COL4A5: variants seen among roughly 807,000 people sequenced by gnomAD.
The protein encoded by COL4A5 is collagen alpha-5(IV) chain.
A neutral mutation model predicts 130.2 loss-of-function variants in COL4A5; 26 were observed. The observed-to-expected ratio is 0.20, with a 90% CI of 0.15 to 0.28. The LOEUF (loss-of-function observed/expected upper bound fraction) is 0.28, where lower values mean the gene tolerates loss of function less well. Among genes scored for constraint, COL4A5 ranks in the 10% least tolerant of loss-of-function variants. COL4A5 has a pLI of 1.00. For missense variants in COL4A5, 1,131 were observed against 1,344.3 expected, an observed-to-expected ratio of 0.84 and a Z score of 2.48; for synonymous variants, 496 against 439.6, an observed-to-expected ratio of 1.13 and a Z score of -1.60.
chrX:108,575,365 A>G (rs2066127948), intron 9 of COL4A5, among the ~76,000 whole-genome samples: 1 of 111,485 alleles, frequency 9.0e-6, no homozygotes, highest in Non-Finnish European at 1.9e-5. Flanking sequence ...TGTTTTGTAA[A>G]TTTTCCTTAT....
chrX:108,445,347 T>C (rs1158491833), intron 1 of COL4A5, among the ~76,000 whole-genome samples: 1 of 112,068 alleles, frequency 8.9e-6, no homozygotes, highest in Admixed American at 9.5e-5. Flanking sequence ...AAGTCTTTGC[T>C]CAATTCCAGC....
chrX:108,523,520 A>G (rs1041680637), intron 1 of COL4A5, among the ~76,000 whole-genome samples: 17 of 112,314 alleles, frequency 1.5e-4, no homozygotes, highest in African/African-American at 5.5e-4. Context: ...GAAATTGGAA[A>G]GTGTAAATCC....
chrX:108,467,178 A>G (rs2064714579), intron 1 of COL4A5, among the ~76,000 whole-genome samples: 1 of 111,671 alleles, frequency 9.0e-6, no homozygotes, highest in Non-Finnish European at 1.9e-5. Context: ...TAGGTTGTTG[A>G]TTCATTTTGA....
intron 2 of COL4A5, among the ~76,000 whole-genome samples, chrX:108,546,288 T>G (rs2065652397): frequency 8.9e-6 from 1 of 112,106 alleles, no homozygotes; most frequent in African/African-American, 3.2e-5. Context: ...TCAGGAGCTC[T>G]TGTAAGGCAG....
intron 41 of COL4A5, 87 bp from the exon 42 acceptor site, chrX:108,670,141 A>T: frequency 1.0e-6 from 1 of 980,882 alleles, no homozygotes; most frequent in Non-Finnish European, 1.4e-6. Context: ...AATGCTTTTT[A>T]GTTTCTTGAT....
intron 1 of COL4A5, among the ~76,000 whole-genome samples, chrX:108,530,911 T>A (rs2065376242): frequency 9.7e-6 from 1 of 103,280 alleles, no homozygotes; most frequent in African/African-American, 3.5e-5. Flanking sequence ...CATGCACACG[T>A]ATGTTTATTG....
At chrX:108,507,931 A>T (rs2065142540) in intron 1 of COL4A5, among the ~76,000 whole-genome samples, 1 of 111,974 alleles carries the variant, frequency 8.9e-6, no homozygotes, top group South Asian at 3.7e-4. Context: ...AGCCAACCTC[A>T]TACTGAATGG....
chrX:108,577,886 T>G, intron 10 of COL4A5, 66 bp from the exon 11 acceptor site: 1 of 938,388 alleles, frequency 1.1e-6, no homozygotes, highest in Non-Finnish European at 1.5e-6. Flanking sequence ...TTTCTGAAAC[T>G]AAATAACTTT....
At chrX:108,572,116 T>TA (rs1224040235) in intron 8 of COL4A5, among the ~76,000 whole-genome samples, 1 of 111,653 alleles carries the variant, frequency 9.0e-6, no homozygotes, top group Non-Finnish European at 1.9e-5. Context: ...GTTAACCACT[T>TA]ACTCTCTGTA....
At chrX:108,496,811 T>C (rs1569477864) in intron 1 of COL4A5, among the ~76,000 whole-genome samples, 1 of 111,991 alleles carries the variant, frequency 8.9e-6, no homozygotes, top group Non-Finnish European at 1.9e-5. Context: ...TCTTATTCTA[T>C]AGTGTCAAAA....
intron 29 of COL4A5, among the ~76,000 whole-genome samples, chrX:108,610,401 A>G (rs1044359338): frequency 1.8e-5 from 2 of 111,483 alleles, no homozygotes; most frequent in African/African-American, 6.5e-5. Flanking sequence ...GACTAGCTCA[A>G]TACAAACTCT....
chrX:108,486,073 T>C (rs1053936193), intron 1 of COL4A5, among the ~76,000 whole-genome samples: 2 of 111,614 alleles, frequency 1.8e-5, no homozygotes, highest in Non-Finnish European at 3.8e-5. Flanking sequence ...CTTGTTTTGC[T>C]TTCTGCTGTG....
chrX:108,560,824 A>G (rs751195598), intron 3 of COL4A5, among the ~76,000 whole-genome samples: 2 of 112,209 alleles, frequency 1.8e-5, no homozygotes, highest in Non-Finnish European at 1.9e-5. Flanking sequence ...GAGATCAACC[A>G]GCCAGAAGTC....
chrX:108,510,086 G>T (rs1294527349), intron 1 of COL4A5, among the ~76,000 whole-genome samples: 1 of 111,824 alleles, frequency 8.9e-6, no homozygotes, highest in Non-Finnish European at 1.9e-5. Context: ...GTTCTTACTT[G>T]TAAGTGGGAG....
chrX:108,645,430 A>G (rs1017830336), intron 36 of COL4A5, among the ~76,000 whole-genome samples: 1 of 110,852 alleles, frequency 9.0e-6, no homozygotes, highest in East Asian at 2.8e-4. Context: ...ATTCAAGGCT[A>G]CTATGAACAC....
intron 37 of COL4A5, among the ~76,000 whole-genome samples, chrX:108,662,741 C>T (rs779278553): frequency 4.5e-5 from 5 of 112,044 alleles, no homozygotes; most frequent in Non-Finnish European, 9.4e-5. Flanking sequence ...ATTCCATGCT[C>T]ATGGATAGAA....
chrX:108,518,658 C>G (rs2065241753), intron 1 of COL4A5, among the ~76,000 whole-genome samples: 1 of 111,126 alleles, frequency 9.0e-6, no homozygotes, highest in African/African-American at 3.3e-5. Flanking sequence ...TATTGTTTAT[C>G]TTAAAAAATG....
intron 1 of COL4A5, among the ~76,000 whole-genome samples, chrX:108,483,223 A>G (rs752008183): frequency 1.2e-3 from 108 of 93,766 alleles, no homozygotes; most frequent in Middle Eastern, 5.1e-3. Flanking sequence ...GTGTGTGTGT[A>G]TGTGTGTGTG....
intron 36 of COL4A5, among the ~76,000 whole-genome samples, chrX:108,649,210 C>A (rs1437737312): frequency 9.0e-6 from 1 of 110,545 alleles, no homozygotes; most frequent in South Asian, 3.8e-4. Flanking sequence ...AGACGAAAGA[C>A]CTCTCTACAA....
Sources: allele counts gnomAD v4.1 joint callset (sites outside exome capture counted in the v4.1 genomes callset), GRCh38; gene constraint gnomAD v4.1.1; transcripts MANE v1.5; gene names NCBI Gene and HGNC (gene_info 2026-07-23, HGNC 2026-07-21).